Variants in CDH8 observed in about 807,000 individuals in gnomAD.
CDH8 encodes the protein cadherin-8.
Under a neutral mutation model 68.1 loss-of-function variants are expected in CDH8, and 17 were observed. The observed-to-expected ratio is 0.25, with a 90% CI of 0.17 to 0.37. The LOEUF is 0.37. Among genes scored for constraint, CDH8 ranks in the 10% least tolerant of loss-of-function variants. CDH8 has a pLI of 1.00. For synonymous variants in CDH8, 372 were observed against 365.1 expected, an observed-to-expected ratio of 1.02 and a Z score of -0.21; for missense variants, 763 against 999.3, an observed-to-expected ratio of 0.76 and a Z score of 3.19.
chr16:62,028,818 G>A (rs557530512), intron 1 of CDH8, among the ~76,000 whole-genome samples: 2 of 151,716 alleles, frequency 1.3e-5, no homozygotes, highest in African/African-American at 4.8e-5. Flanking sequence ...GTCATTTCTC[G>A]AGTCTAATCT....
chr16:61,656,787 G>T (rs1487138794), intron 10 of CDH8, among the ~76,000 whole-genome samples: 3 of 152,182 alleles, frequency 2.0e-5, no homozygotes, highest in Non-Finnish European at 4.4e-5. Context: ...ACTGGTCAGT[G>T]AGAAGTGATT....
At chr16:61,792,764 C>T (rs1961408522) in intron 7 of CDH8, among the ~76,000 whole-genome samples, 1 of 151,912 alleles carries the variant, frequency 6.6e-6, no homozygotes. Context: ...TAGTCCCTGG[C>T]TAACAAGATT....
chr16:61,994,848 A>G (rs1965783192), intron 2 of CDH8, among the ~76,000 whole-genome samples: 1 of 152,168 alleles, frequency 6.6e-6, no homozygotes, highest in African/African-American at 2.4e-5. Context: ...CCCCCTGCAA[A>G]TATTTTTGCT....
chr16:61,969,336 C>T (rs771686226), intron 2 of CDH8, among the ~76,000 whole-genome samples: 28 of 152,194 alleles, frequency 1.8e-4, no homozygotes, highest in Non-Finnish European at 3.1e-4. Flanking sequence ...CATCATTGAA[C>T]GGATTCAGTG....
intron 8 of CDH8, among the ~76,000 whole-genome samples, chr16:61,735,732 G>GAATT (rs1959660195): frequency 6.6e-6 from 1 of 152,042 alleles, no homozygotes; most frequent in South Asian, 2.1e-4. Flanking sequence ...TTAAAATAGG[G>GAATT]AATTATCTTT....
chr16:61,836,422 A>G (rs1266789733), intron 4 of CDH8, among the ~76,000 whole-genome samples: 3 of 152,054 alleles, frequency 2.0e-5, no homozygotes, highest in Non-Finnish European at 4.4e-5. Flanking sequence ...AGATAAACGC[A>G]TGATAAAATA....
intron 4 of CDH8, among the ~76,000 whole-genome samples, chr16:61,854,162 C>A (rs1962999425): frequency 6.7e-6 from 1 of 150,314 alleles, no homozygotes; most frequent in Non-Finnish European, 1.5e-5. Flanking sequence ...ACACACACTG[C>A]AGAAGACACA....
intron 9 of CDH8, among the ~76,000 whole-genome samples, chr16:61,722,848 T>C (rs1046605405): frequency 6.6e-6 from 1 of 150,720 alleles, no homozygotes; most frequent in East Asian, 1.9e-4. Context: ...GGCAGAAAGA[T>C]GAGATGAAAG....
intron 8 of CDH8, among the ~76,000 whole-genome samples, chr16:61,749,591 A>G (rs1263821214): frequency 6.6e-6 from 1 of 152,106 alleles, no homozygotes; most frequent in Non-Finnish European, 1.5e-5. Flanking sequence ...AGCACCTGTT[A>G]TCCTAAAGTC....
At chr16:61,803,784 T>A (rs1435314615) in intron 7 of CDH8, among the ~76,000 whole-genome samples, 5 of 138,860 alleles carry the variant, frequency 3.6e-5, no homozygotes, top group Non-Finnish European at 6.1e-5. Flanking sequence ...TAAATATATA[T>A]GCACCCAATA....
intron 3 of CDH8, among the ~76,000 whole-genome samples, chr16:61,896,590 C>A (rs1413686432): frequency 6.6e-6 from 1 of 152,146 alleles, no homozygotes; most frequent in Non-Finnish European, 1.5e-5. Flanking sequence ...AGCTGACCTT[C>A]TTCCAGATAT....
intron 3 of CDH8, among the ~76,000 whole-genome samples, chr16:61,882,629 C>A (rs1013222415): frequency 6.6e-6 from 1 of 152,134 alleles, no homozygotes; most frequent in Non-Finnish European, 1.5e-5. Context: ...GAACAGTAAA[C>A]CAAATACCGC....
At chr16:61,732,835 A>G (rs1959573642) in intron 8 of CDH8, among the ~76,000 whole-genome samples, 1 of 151,836 alleles carries the variant, frequency 6.6e-6, no homozygotes, top group Non-Finnish European at 1.5e-5. Flanking sequence ...CTGAGCTTGT[A>G]ACATATCAAA....
At chr16:61,917,045 C>T (rs1597063095) in intron 2 of CDH8, among the ~76,000 whole-genome samples, 1 of 149,664 alleles carries the variant, frequency 6.7e-6, no homozygotes, top group East Asian at 2.0e-4. Flanking sequence ...CAGCATTGCA[C>T]AAATTATTTA....
At chr16:61,731,528 T>C (rs1596909988) in intron 8 of CDH8, among the ~76,000 whole-genome samples, 1 of 151,708 alleles carries the variant, frequency 6.6e-6, no homozygotes, top group African/African-American at 2.4e-5. Flanking sequence ...CAGGTGTTTA[T>C]GTAAATATCC....
In CDH8 at chr16:61,695,811, G is replaced by A. The variant is rs542406735; in HGVS notation, c.1654+18030C>T. 7.2e-5 allele frequency among the ~76,000 whole-genome samples: 11 copies of A among 152,254 alleles called. 1 individual carries two copies. The highest frequency in any genetic ancestry group is 2.6e-4 in the African/African-American group (11 of 41,542). On this transcript the variant is annotated intron_variant, in intron 10 of 11. Transcript: ENST00000577390. ...CAGAATTTGAGTAAAGATGGATACAGTTTTTAGAGTTTTTTTAACTGATTT... is the reference window on the plus strand; with the variant it reads ...CAGAATTTGAGTAAAGATGGATACAATTTTTAGAGTTTTTTTAACTGATTT...
intron 2 of CDH8, among the ~76,000 whole-genome samples, chr16:62,001,248 G>A (rs16964155): frequency 6.6e-6 from 1 of 152,142 alleles, no homozygotes; most frequent in East Asian, 1.9e-4. Context: ...ATGTTTAATA[G>A]GTACAGTTAG....
intron 8 of CDH8, among the ~76,000 whole-genome samples, chr16:61,762,691 A>T (rs12935575): frequency 0.062 from 9,490 of 152,250 alleles, 433 homozygotes; most frequent in Admixed American, 0.099. Context: ...TACATGCTAA[A>T]CTTTCAGAGA....
At chr16:62,032,746 T>A (rs1902357656) in intron 1 of CDH8, among the ~76,000 whole-genome samples, 1 of 152,204 alleles carries the variant, frequency 6.6e-6, no homozygotes, top group Non-Finnish European at 1.5e-5. Flanking sequence ...ACGAATTGAA[T>A]GTCACTTTAC....
Sources: allele counts gnomAD v4.1 joint callset (sites outside exome capture counted in the v4.1 genomes callset), GRCh38; gene constraint gnomAD v4.1.1; transcripts MANE v1.5; gene names NCBI Gene and HGNC (gene_info 2026-07-23, HGNC 2026-07-21).